Variants in PTPN1 observed in about 807,000 individuals in gnomAD.
PTPN1 encodes the protein tyrosine-protein phosphatase non-receptor type 1.
Under a neutral mutation model 59.9 loss-of-function variants are expected in PTPN1, and 12 were observed. That is an observed-to-expected ratio of 0.20 (90% confidence interval 0.13 to 0.32). PTPN1 has a LOEUF of 0.32. Ranked by LOEUF, PTPN1 falls within the 10% of genes least tolerant of loss-of-function variation. PTPN1 has a pLI of 1.00. For missense variants in PTPN1, 356 were observed against 549.2 expected (o/e 0.65, Z 3.52); for synonymous variants, 178 against 203.6 (o/e 0.87, Z 1.07).
At chr20:50,524,243 G>T (rs1176700028) in intron 1 of PTPN1, among the ~76,000 whole-genome samples, 1 of 152,062 alleles carries the variant, frequency 6.6e-6, no homozygotes, top group Admixed American at 6.6e-5. Context: ...TTGTTTCATT[G>T]TAAATTTTGT....
At position 50,584,580 on chromosome 20, in the gene PTPN1, G is replaced by A. The variant is rs2082888796; in HGVS notation, c.*1865G>A. ...AAAACAAAAAAAGCAAGGTGTTTTG[G>A]TATAATACCTTTTCAGGTGTGTGTG... On this transcript the variant is annotated 3_prime_UTR_variant, in exon 10 of 10. Transcript: ENST00000371621. 8.5e-6 allele frequency: 1 copy of A among 117,348 alleles called. No homozygotes were observed. 7.3% of individuals were successfully genotyped at this position (117,348 alleles called of 1,614,324 possible).
rs1244054233 is a variant in PTPN1 at position 50,583,732 on chromosome 20, TC to T, written c.*1019del. On this transcript the variant is annotated 3_prime_UTR_variant, in exon 10 of 10. Transcript: ENST00000371621. The stretch of plus-strand genomic sequence containing the variant: ...TTCCTGGCATGACACTCTAGTGACT[TC>T]CTGGTGAGGCCCAGCCTGTCCTGGT... 1 of 152,672 alleles carries T rather than the reference TC, an allele frequency of 6.5e-6. No homozygotes were observed. Among genetic ancestry groups the T allele is most frequent in the Non-Finnish European group, 1.5e-5 (1 of 68,062 alleles). 9.5% of individuals were successfully genotyped at this position (152,672 alleles called of 1,614,324 possible).
intron 1 of PTPN1, among the ~76,000 whole-genome samples, chr20:50,539,602 T>C (rs1480798741): frequency 6.6e-6 from 1 of 151,656 alleles, no homozygotes; most frequent in Non-Finnish European, 1.5e-5. Flanking sequence ...TGACTTAGGG[T>C]TTTTTGTCTA....
At chr20:50,524,470 A>C (rs2082564631) in intron 1 of PTPN1, among the ~76,000 whole-genome samples, 1 of 148,212 alleles carries the variant, frequency 6.7e-6, no homozygotes. Flanking sequence ...TAGTTCACTG[A>C]CTTGCAGCTG....
chr20:50,576,880 A>G (rs991917284), intron 5 of PTPN1, among the ~76,000 whole-genome samples: 1 of 152,058 alleles, frequency 6.6e-6, no homozygotes, highest in Non-Finnish European at 1.5e-5. Context: ...GTCTCAAAAT[A>G]ATAATAATAA....
chr20:50,541,633 C>T (rs1260254020), intron 1 of PTPN1, among the ~76,000 whole-genome samples: 1 of 152,120 alleles, frequency 6.6e-6, no homozygotes, highest in African/African-American at 2.4e-5. Context: ...TCCTTTCTGA[C>T]CTTTTGTGTG....
intron 1 of PTPN1, among the ~76,000 whole-genome samples, chr20:50,522,383 C>T (rs777277365): frequency 1.3e-5 from 2 of 152,220 alleles, no homozygotes; most frequent in African/African-American, 2.4e-5. Context: ...GAGACGGCTA[C>T]GAAGTAAGGT....
rs182212392 is a variant in PTPN1 at position 50,568,685 on chromosome 20, A to T, written c.354+207A>T. On this transcript the variant is annotated intron_variant, in intron 4 of 9. Coordinates refer to ENST00000371621, the MANE Select transcript of PTPN1 (RefSeq NM_002827.4). This position sits in a 1 kb window ranked among gnomAD's most constrained non-coding sequence, Gnocchi z 5.6. ...GTGAATAAAAGGGAGGAGGCGGAAGAACTGCACGGACCTCTTCGCCCCCGC... is the reference window on the plus strand; with the variant it reads ...GTGAATAAAAGGGAGGAGGCGGAAGTACTGCACGGACCTCTTCGCCCCCGC... Among the ~76,000 whole-genome samples, 349 of 152,368 alleles carry T rather than the reference A, an allele frequency of 2.3e-3. 3 individuals are homozygous for T. Among genetic ancestry groups the T allele is most frequent in the African/African-American group, 7.6e-3 (315 of 41,588 alleles).
chr20:50,564,166 AG>A lies in PTPN1; in HGVS notation c.155-801del, dbSNP rs559267958. 2.6e-5 allele frequency among the ~76,000 whole-genome samples: 4 copies of A among 152,282 alleles called. No individual in the cohort carries two copies. In the South Asian group the frequency reaches 8.3e-4, roughly 32 times the overall value. On this transcript the variant is annotated intron_variant, in intron 2 of 9. Coordinates refer to ENST00000371621, the MANE Select transcript of PTPN1 (RefSeq NM_002827.4). Reference sequence around the variant, plus strand: ...ATCTTCAAACCACTGGATAGAGGTTAGGTTGAAGTTCGATCTTAAATCCTAC... The same window carrying A: ...ATCTTCAAACCACTGGATAGAGGTTAGTTGAAGTTCGATCTTAAATCCTAC...
At chr20:50,521,714 AAAGAG>A (rs1163034312) in intron 1 of PTPN1, among the ~76,000 whole-genome samples, 1 of 152,232 alleles carries the variant, frequency 6.6e-6, no homozygotes, top group African/African-American at 2.4e-5. Flanking sequence ...GCTTTTTAAA[AAAGAG>A]AAGAGTTTAA....
intron 1 of PTPN1, among the ~76,000 whole-genome samples, chr20:50,530,339 T>C (rs1331377806): frequency 1.3e-5 from 2 of 152,106 alleles, no homozygotes; most frequent in East Asian, 3.8e-4. Flanking sequence ...CAAAGATTGC[T>C]TTTTTAAAAA....
chr20:50,570,883 A>G (rs896686573), intron 4 of PTPN1: 13 of 152,212 alleles, frequency 8.5e-5, no homozygotes, highest in African/African-American at 3.1e-4. Context: ...TGGTAGGCCA[A>G]ATTGCCCCCG....
At chr20:50,559,225 G>C (rs1020164166) in intron 1 of PTPN1, among the ~76,000 whole-genome samples, 2 of 151,970 alleles carry the variant, frequency 1.3e-5, no homozygotes, top group Non-Finnish European at 2.9e-5. Context: ...TAGAGACGAG[G>C]TTTCACTGTG....
chr20:50,581,156 CTG>C (rs1381354757), intron 8 of PTPN1, 107 bp from the exon 9 acceptor site: 2 of 1,452,196 alleles, frequency 1.4e-6, no homozygotes, highest in East Asian at 5.0e-5. Flanking sequence ...TCATCCAACT[CTG>C]TCTACACGTG....
intron 1 of PTPN1, among the ~76,000 whole-genome samples, chr20:50,528,354 G>A (rs1415417065): frequency 6.6e-6 from 1 of 152,086 alleles, no homozygotes; most frequent in African/African-American, 2.4e-5. Flanking sequence ...CTTATAAAGG[G>A]CGGGGCTGCT....
chr20:50,564,634 G>A (rs2082770163), intron 2 of PTPN1, among the ~76,000 whole-genome samples: 1 of 152,096 alleles, frequency 6.6e-6, no homozygotes, highest in African/African-American at 2.4e-5. Context: ...ATCCTTTGAT[G>A]CCCTCCTCTG....
rs185971737 is a variant in PTPN1 at position 50,533,361 on chromosome 20, G to A, written c.63+22771G>A. ...AGTTTTCAGATAAGACCTTTTCATG[G>A]CAGTACATAACTGTACAGAGGGCTT... On this transcript the variant is annotated intron_variant, in intron 1 of 9. Coordinates refer to ENST00000371621, the MANE Select transcript of PTPN1 (RefSeq NM_002827.4). Among the ~76,000 whole-genome samples the A allele has an allele frequency of 8.6e-3, 1,307 of 152,050 alleles. 8 individuals carry two copies. Among genetic ancestry groups the A allele is most frequent in the Non-Finnish European group, 0.013 (895 of 67,964 alleles).
At chr20:50,569,114 C>A (rs1483477620) in intron 4 of PTPN1, among the ~76,000 whole-genome samples, 1 of 152,172 alleles carries the variant, frequency 6.6e-6, no homozygotes, top group Non-Finnish European at 1.5e-5. Flanking sequence ...TCTTGACTTA[C>A]CATAGTTCAT....
At position 50,582,816 on chromosome 20, in the gene PTPN1, C is replaced by T. The variant is rs1409714603; in HGVS notation, c.*101C>T. 7 of 1,460,018 alleles carry T rather than the reference C, an allele frequency of 4.8e-6. No individual in the cohort carries two copies. Among genetic ancestry groups the T allele is most frequent in the South Asian group, 2.4e-5 (2 of 84,464 alleles). The allele number at this position is 1,460,018 out of a possible 1,614,324, so 90.4% of individuals were successfully genotyped here. On this transcript the variant is annotated 3_prime_UTR_variant, in exon 10 of 10. Transcript: ENST00000371621. This position sits in a 1 kb window ranked among gnomAD's most constrained non-coding sequence, Gnocchi z 4.2. ...CCGCGGTAGGTAAGGGCCGCCGGAC[C>T]GCGTAGAGAGCCGGGCCCCGGACGG... is the stretch of plus-strand genomic sequence containing the variant.
Sources: allele counts gnomAD v4.1 joint callset (sites outside exome capture counted in the v4.1 genomes callset), GRCh38; gene constraint gnomAD v4.1.1; non-coding constraint Gnocchi (gnomAD v3.1); transcripts MANE v1.5; gene names NCBI Gene and HGNC (gene_info 2026-07-23, HGNC 2026-07-21).